The following PAGE1 variants were observed in gnomAD, a reference collection of about 807,000 sequenced individuals.
PAGE1 encodes PAGE family member 1.
PAGE1 carries 6 observed loss-of-function variants against 11.5 expected under a neutral mutation model. The ratio of observed to expected loss-of-function variants is 0.52; its 90% CI spans 0.29 to 1.03. PAGE1 has a LOEUF of 1.03. Ranked by LOEUF, PAGE1 falls within the 50% of genes least tolerant of loss-of-function variation. PAGE1 has a pLI of 0.09. For synonymous variants in PAGE1, 42 were observed against 40.2 expected (o/e 1.05, Z -0.17); for missense variants, 120 against 110.2 (o/e 1.09, Z -0.40).
intron 4 of PAGE1, among the ~76,000 whole-genome samples, chrX:49,690,044 T>TAC (rs2066911922): frequency 1.6e-5 from 1 of 63,448 alleles, no homozygotes; most frequent in Non-Finnish European, 2.8e-5. Context: ...TATGTGTATA[T>TAC]ATGTGTATAT....
At chrX:49,694,917 G>T in intron 1 of PAGE1, 139 bp from the exon 2 acceptor site, 1 of 403,548 alleles carries the variant, frequency 2.5e-6, no homozygotes, top group Non-Finnish European at 4.3e-6. Context: ...GTGCAAGTGT[G>T]TACGTTTTCT....
rs1216226830 is a variant in PAGE1, at chrX:49,689,749, T to TAC, written c.293-207_293-206insGT. The stretch of plus-strand genomic sequence containing the variant: ...GTATATATACACACATATATGTATA[T>TAC]GTGTATATATACATATATATGTGTG... On this transcript the variant is annotated intron_variant, in intron 4 of 5. Transcript: ENST00000376150. Among the ~76,000 whole-genome samples, 33 of 62,648 alleles carry TAC rather than the reference T, an allele frequency of 5.3e-4. 1 individual carries two copies. The highest frequency in any genetic ancestry group is 2.2e-3 in the African/African-American group (32 of 14,765). 54.4% of individuals were successfully genotyped at this position (62,648 alleles called of 115,157 possible).
In PAGE1 at chrX:49,687,529, G is replaced by A; in HGVS notation, c.*12C>T. Reference sequence around the variant, plus strand: ...CACAGGAGCAGCCTGAACCATTTCAGCGTGTCTTCTTTTAAGGCTGTGATT... The same window carrying A: ...CACAGGAGCAGCCTGAACCATTTCAACGTGTCTTCTTTTAAGGCTGTGATT... On this transcript the variant is annotated 3_prime_UTR_variant, in exon 6 of 6. Transcript: ENST00000376150. 8.3e-7 allele frequency: 1 copy of A among 1,202,319 alleles called. No homozygotes were observed. Among genetic ancestry groups the A allele is most frequent in the Non-Finnish European group, 1.1e-6 (1 of 888,553 alleles).
intron 4 of PAGE1, among the ~76,000 whole-genome samples, chrX:49,690,337 TC>T (rs782230945): frequency 9.2e-6 from 1 of 108,328 alleles, no homozygotes; most frequent in African/African-American, 3.3e-5. Flanking sequence ...ATTACCCTCT[TC>T]CTTTCCGAAG....
chrX:49,689,540 G>T lies in PAGE1; in HGVS notation c.296C>A (p.Pro99Gln). Residue 99 changes from proline to glutamine, a missense_variant, in exon 5 of 6, where the codon CCA becomes CAA. Transcript: ENST00000376150. ...EEQMKLPAEG[P>Q]EPEADSQEQV... ...TTCCTGGCTATCCGCTTCAGGCTCT[G>T]GCCCTTAAAAAAAAAAAAAAAAAAA... 2 of 623,341 alleles carry T rather than the reference G, an allele frequency of 3.2e-6. No individual in the cohort carries two copies. The highest frequency in any genetic ancestry group is 3.9e-6 in the Non-Finnish European group (2 of 517,942). 51.4% of individuals were successfully genotyped at this position (623,341 alleles called of 1,213,427 possible).
intron 4 of PAGE1, 103 bp downstream of exon 4, chrX:49,691,146 C>G: frequency 1.1e-6 from 1 of 871,548 alleles, no homozygotes. Flanking sequence ...CCACTGCACT[C>G]CAGCCTGGGT....
chrX:49,692,783 A>ATTAT (rs781833593), intron 3 of PAGE1, among the ~76,000 whole-genome samples: 229 of 109,638 alleles, frequency 2.1e-3, no homozygotes, highest in Non-Finnish European at 3.4e-3. Flanking sequence ...CGAAACATTT[A>ATTAT]TTATTTATTT....
chrX:49,687,509 G>C lies in PAGE1; in HGVS notation c.*32C>G, dbSNP rs1557141140. On this transcript the variant is annotated 3_prime_UTR_variant, in exon 6 of 6. Coordinates refer to ENST00000376150, the MANE Select transcript of PAGE1 (RefSeq NM_003785.4). ...TTTAATGGTCAAATTTCCAACACAGGAGCAGCCTGAACCATTTCAGCGTGT... is the reference window on the plus strand; with the variant it reads ...TTTAATGGTCAAATTTCCAACACAGCAGCAGCCTGAACCATTTCAGCGTGT... 2 of 1,192,536 alleles carry C rather than the reference G, an allele frequency of 1.7e-6. No homozygotes were observed. Among genetic ancestry groups the C allele is most frequent in the Non-Finnish European group, 2.3e-6 (2 of 879,124 alleles).
At chrX:49,693,218 T>G (rs1291591042) in intron 3 of PAGE1, among the ~76,000 whole-genome samples, 1 of 111,629 alleles carries the variant, frequency 9.0e-6, no homozygotes, top group Non-Finnish European at 1.9e-5. Context: ...AATGTAATAT[T>G]CCATAAATGA....
chrX:49,694,800 T>C (rs2066935114), intron 1 of PAGE1, 22 bp from the exon 2 acceptor site: 1 of 942,179 alleles, frequency 1.1e-6, no homozygotes, highest in African/African-American at 1.9e-5. Context: ...AAATTGTGAT[T>C]GGGAACATGC....
At position 49,691,029 on chromosome X, in the gene PAGE1, T is replaced by A. The variant is rs782357498; in HGVS notation, c.292+220A>T. Reference sequence around the variant, plus strand: ...CCCGTCTCTACTAAAATTACAAAAATTAGGTGCCTGTGGTGGCATACGCCT... The same window carrying A: ...CCCGTCTCTACTAAAATTACAAAAAATAGGTGCCTGTGGTGGCATACGCCT... On this transcript the variant is annotated intron_variant, in intron 4 of 5. Transcript: ENST00000376150. 1.1e-4 allele frequency among the ~76,000 whole-genome samples: 12 copies of A among 111,117 alleles called. 1 individual carries two copies. The highest frequency in any genetic ancestry group is 9.2e-3 in the Middle Eastern group (2 of 217).
chrX:49,692,142 G>A (rs977622369), intron 3 of PAGE1, among the ~76,000 whole-genome samples: 4 of 106,659 alleles, frequency 3.8e-5, no homozygotes, highest in African/African-American at 1.4e-4. Context: ...GTGAGACTCC[G>A]TCTGAAAAAA....
chrX:49,691,810 C>T (rs990299505), intron 3 of PAGE1, among the ~76,000 whole-genome samples: 10 of 111,367 alleles, frequency 9.0e-5, no homozygotes, highest in Admixed American at 1.9e-4. Flanking sequence ...CTAAACGTTC[C>T]GCAAACCAAC....
Position 49,687,549 on chromosome X carries a change from G to GT in PAGE1, c.432dup (p.Gln145ThrfsTer22). ...TTTCAGCGTGTCTTCTTTTAAGGCT[G>GT]TGATTGCCCTTCATCTGTAACAGAA... On this transcript the variant is annotated frameshift_variant, in exon 6 of 6. Coordinates refer to ENST00000376150, the MANE Select transcript of PAGE1 (RefSeq NM_003785.4). LOFTEE classifies it high-confidence loss of function. 8.3e-7 allele frequency: 1 copy of GT among 1,204,359 alleles called. No individual in the cohort carries two copies. Among genetic ancestry groups the GT allele is most frequent in the Non-Finnish European group, 1.1e-6 (1 of 890,735 alleles).
chrX:49,692,138 C>T (rs2066922686), intron 3 of PAGE1, among the ~76,000 whole-genome samples: 2 of 107,453 alleles, frequency 1.9e-5, no homozygotes, highest in East Asian at 5.8e-4. Flanking sequence ...CAGAGTGAGA[C>T]TCCGTCTGAA....
intron 3 of PAGE1, among the ~76,000 whole-genome samples, chrX:49,692,523 G>A: frequency 9.0e-6 from 1 of 111,387 alleles, no homozygotes; most frequent in Admixed American, 9.6e-5. Context: ...TGAGTTCATT[G>A]TACTATTCTT....
Position 49,692,123 on chromosome X carries a change from G to A in PAGE1, c.167-749C>T, listed in dbSNP as rs148075668. 4.2e-3 allele frequency among the ~76,000 whole-genome samples: 459 copies of A among 109,991 alleles called. 3 individuals carry two copies. Among genetic ancestry groups the A allele is most frequent in the African/African-American group, 0.014 (436 of 30,082 alleles). On this transcript the variant is annotated intron_variant, in intron 3 of 5. Transcript: ENST00000376150. ...GATCTTGCCACTGCACTCCAACCTG[G>A]GCAACAGAGTGAGACTCCGTCTGAA...
In PAGE1 at chrX:49,689,928, G is replaced by GTGTATATATAT. The variant is rs1417825927; in HGVS notation, c.293-386_293-385insATATATATACA. Among the ~76,000 whole-genome samples, 5 of 13,014 alleles carry GTGTATATATAT rather than the reference G, an allele frequency of 3.8e-4. 1 individual carries two copies. The highest frequency in any genetic ancestry group is 5.4e-4 in the Non-Finnish European group (5 of 9,209). The allele number at this position is 13,014 out of a possible 115,157, so 11.3% of individuals were successfully genotyped here. A position where few individuals can be genotyped will look rare whatever the true frequency, so the allele number is the denominator to read the frequency against. On this transcript the variant is annotated intron_variant, in intron 4 of 5. Coordinates refer to ENST00000376150, the MANE Select transcript of PAGE1 (RefSeq NM_003785.4). ...TATGTGTATATACACACATATATAG[G>GTGTATATATAT]GTGTATATATATGTGTGTATATACA...
intron 2 of PAGE1, among the ~76,000 whole-genome samples, 174 bp downstream of exon 2, chrX:49,694,534 C>T (rs967840444): frequency 9.0e-6 from 1 of 111,247 alleles, no homozygotes; most frequent in African/African-American, 3.3e-5. Context: ...AAAAAAAATC[C>T]TCCTGAATCA....
Sources: allele counts gnomAD v4.1 joint callset (sites outside exome capture counted in the v4.1 genomes callset), GRCh38; gene constraint gnomAD v4.1.1; transcripts MANE v1.5; gene names NCBI Gene and HGNC (gene_info 2026-07-23, HGNC 2026-07-21).